ZKSCAN7: variants seen among roughly 807,000 people sequenced by gnomAD.
ZKSCAN7 encodes the protein zinc finger with KRAB and SCAN domains 7.
In ZKSCAN7, 38 loss-of-function variants were observed where a neutral mutation model predicts 65.3. That is an observed-to-expected ratio of 0.58 (90% confidence interval 0.45 to 0.76). The LOEUF (loss-of-function observed/expected upper bound fraction) is 0.76, where lower values mean the gene tolerates loss of function less well. Among genes scored for constraint, ZKSCAN7 ranks in the 30% least tolerant of loss-of-function variants. The pLI, the probability that ZKSCAN7 is intolerant of heterozygous loss-of-function variation, is 0.00. For synonymous variants in ZKSCAN7, 321 were observed against 321.0 expected, an observed-to-expected ratio of 1.00 and a Z score of 0.00; for missense variants, 815 against 913.3, an observed-to-expected ratio of 0.89 and a Z score of 1.39.
chr3:44,569,852 C>T (rs765910765), intron 5 of ZKSCAN7, 70 bp from the exon 6 acceptor site: 2 of 1,469,238 alleles, frequency 1.4e-6, no homozygotes, highest in Admixed American at 2.6e-5. Context: ...GGTATGTTAG[C>T]TCTTAATGAT....
intron 5 of ZKSCAN7, chr3:44,579,957 G>T (rs1700025790): frequency 3.3e-6 from 5 of 1,525,034 alleles, no homozygotes; most frequent in Non-Finnish European, 4.5e-6. Flanking sequence ...GGAAGCCGAG[G>T]CGTCTGGGAG....
chr3:44,580,032 C>T (rs1575387004), intron 5 of ZKSCAN7: 7 of 1,576,294 alleles, frequency 4.4e-6, no homozygotes, highest in South Asian at 3.3e-5. Context: ...TTTCTCGCTG[C>T]GGCCCTGGCG....
intron 3 of ZKSCAN7, 31 bp from the exon 4 acceptor site, chr3:44,567,881 G>T: frequency 1.5e-6 from 1 of 669,316 alleles, no homozygotes; most frequent in Non-Finnish European, 2.6e-6. Context: ...AGCAGGGCTT[G>T]TCCCACTCAT....
Position 44,580,385 on chromosome 3 carries a change from G to C in ZKSCAN7, c.812-2587G>C, listed in dbSNP as rs1700043495. Reference sequence around the variant, plus strand: ...TGGGACTCTGAGCTGGACTCAGACTGCTGCCATCTGGCTGGTCCTTGGTCC... The same window carrying C: ...TGGGACTCTGAGCTGGACTCAGACTCCTGCCATCTGGCTGGTCCTTGGTCC... On this transcript the variant is annotated intron_variant, in intron 5 of 5. Coordinates refer to the ZKSCAN7 transcript ENST00000341840. 5.6e-6 allele frequency: 9 copies of C among 1,604,726 alleles called. No homozygotes were observed. In the South Asian group the frequency reaches 8.9e-5, roughly 16 times the overall value.
At position 44,581,027 on chromosome 3, in the gene ZKSCAN7, G is replaced by C. The variant is rs1220603344; in HGVS notation, c.812-1945G>C. The C allele has an allele frequency of 4.8e-5, 75 of 1,570,630 alleles. No individual in the cohort carries two copies. The South Asian group carries it at 7.6e-4, about 16-fold the overall frequency. On this transcript the variant is annotated intron_variant, in intron 5 of 5. Transcript: ENST00000341840. Reference sequence around the variant, plus strand: ...ACGGGTTCTCCTTGGCTGCCGACATGGTCGGCGCGGCGGCGGCGGCGGCGC... The same window carrying C: ...ACGGGTTCTCCTTGGCTGCCGACATCGTCGGCGCGGCGGCGGCGGCGGCGC...
intron 5 of ZKSCAN7, chr3:44,580,246 C>A (rs1348645790): frequency 1.2e-6 from 2 of 1,612,480 alleles, no homozygotes; most frequent in African/African-American, 1.3e-5. Flanking sequence ...TAGCTGCTCT[C>A]CCCCCGGACT....
rs1349726770 is a variant in ZKSCAN7 at position 44,565,645 on chromosome 3, T to G, written c.582T>G (p.Ser194Arg). The change falls in exon 3 of 6, where the codon AGT (serine) becomes AGG (arginine). Residue 194 changes from serine (S) to arginine (R), a missense_variant. Ser to Arg is a moderately radical substitution (Grantham distance 110). Around this residue, in one of 3 missense-constraint regions of ZKSCAN7, gnomAD observed 227 missense variants for 253.3 expected, o/e 0.90. Transcript: ENST00000426540. ...ACCCAGGGACACACCACCTCCCCAGTGGGGACTTCGGTACTTATCTCCCCA... is the reference window on the plus strand; with the variant it reads ...ACCCAGGGACACACCACCTCCCCAGGGGGGACTTCGGTACTTATCTCCCCA... ...PYDPGTHHLP[S>R]GDFAQCTSPV... 1.3e-6 allele frequency: 2 copies of G among 1,599,502 alleles called. No individual in the cohort carries two copies. The highest frequency in any genetic ancestry group is 1.7e-6 in the Non-Finnish European group (2 of 1,173,918).
In ZKSCAN7 at chr3:44,571,361, T is replaced by A. The variant is rs1699805161; in HGVS notation, c.2251T>A (p.Trp751Arg). The A allele has an allele frequency of 6.2e-7, 1 of 1,613,966 alleles. No individual in the cohort carries two copies. The highest frequency in any genetic ancestry group is 8.5e-7 in the Non-Finnish European group (1 of 1,180,042). Residue 751 changes from tryptophan (W) to arginine (R), a missense_variant, in exon 6 of 6, where the codon TGG becomes AGG. Trp to Arg is a moderately radical substitution (Grantham distance 101). Coordinates refer to ENST00000426540, the MANE Select transcript of ZKSCAN7 (RefSeq NM_001288590.2). ...TGGAGAGAAGTCCTCAGGTCTGGCTTGGTCAGTTTCTTAAGGTATGGTTCT... is the reference window on the plus strand; with the variant it reads ...TGGAGAGAAGTCCTCAGGTCTGGCTAGGTCAGTTTCTTAAGGTATGGTTCT... ...HTGEKSSGLA[W>R]SVS
intron 5 of ZKSCAN7, among the ~76,000 whole-genome samples, chr3:44,581,304 C>T (rs1364061994): frequency 6.6e-6 from 1 of 150,488 alleles, no homozygotes; most frequent in East Asian, 1.9e-4. Context: ...TGCGGCCCGC[C>T]TCTCAAGCTC....
chr3:44,570,604 TGAGTGTG>T lies in ZKSCAN7; in HGVS notation c.1498_1504del (p.Cys500ArgfsTer117), dbSNP rs1699774423. 1 of 1,614,130 alleles carries T rather than the reference TGAGTGTG, an allele frequency of 6.2e-7. No individual in the cohort carries two copies. On this transcript the variant is annotated frameshift_variant, in exon 6 of 6. Coordinates refer to ENST00000426540, the MANE Select transcript of ZKSCAN7 (RefSeq NM_001288590.2). LOFTEE classifies it high-confidence loss of function. ...CTGGGGAGAAACCTTATGAATGCAA[TGAGTGTG>T]GAGAGGCATTCATTCGAAGCAAAAG...
At chr3:44,575,250 T>A (rs947297536), downstream of ZKSCAN7, among the ~76,000 whole-genome samples, 3 of 152,212 alleles carry the variant, frequency 2.0e-5, no homozygotes, top group African/African-American at 7.2e-5. Flanking sequence ...GAGCTATCAT[T>A]GCACCACTGC....
intron 2 of ZKSCAN7, among the ~76,000 whole-genome samples, chr3:44,561,761 T>C (rs962012542): frequency 1.3e-5 from 2 of 152,172 alleles, no homozygotes; most frequent in African/African-American, 4.8e-5. Context: ...AGCTCCAAAA[T>C]AATCTCCTTT....
At chr3:44,569,029 T>C (rs932688389) in intron 5 of ZKSCAN7, among the ~76,000 whole-genome samples, 1 of 152,256 alleles carries the variant, frequency 6.6e-6, no homozygotes, top group Non-Finnish European at 1.5e-5. Context: ...TCAGCTTCCA[T>C]TGCTACTCGT....
intron 5 of ZKSCAN7, among the ~76,000 whole-genome samples, chr3:44,579,478 C>T (rs796715053): frequency 3.3e-4 from 50 of 152,338 alleles, no homozygotes; most frequent in African/African-American, 1.2e-3. Flanking sequence ...CCGGCTCCCC[C>T]GGCTCTGCCT....
rs759658275 is a variant in ZKSCAN7, at chr3:44,579,954, G to A, written c.812-3018G>A. Reference sequence around the variant, plus strand: ...CTTCGGTGTGGAGACGGGGGAAGCCGAGGCGTCTGGGAGAGGAGCTTGGGG... The same window carrying A: ...CTTCGGTGTGGAGACGGGGGAAGCCAAGGCGTCTGGGAGAGGAGCTTGGGG... On this transcript the variant is annotated intron_variant, in intron 5 of 5. Transcript: ENST00000341840. 1.2e-5 allele frequency: 19 copies of A among 1,584,878 alleles called. No homozygotes were observed. In the East Asian group the frequency reaches 1.7e-4, roughly 14 times the overall value.
intron 5 of ZKSCAN7, among the ~76,000 whole-genome samples, chr3:44,579,767 G>C (rs1394445020): frequency 1.3e-5 from 2 of 152,218 alleles, no homozygotes; most frequent in Non-Finnish European, 2.9e-5. Context: ...TGCCTCCTCA[G>C]CCACTGAATC....
chr3:44,559,993 G>A (rs1173239048), intron 2 of ZKSCAN7, among the ~76,000 whole-genome samples: 1 of 152,202 alleles, frequency 6.6e-6, no homozygotes, highest in Non-Finnish European at 1.5e-5. Context: ...GAAGGAAAAT[G>A]TCCCTATTTC....
At position 44,556,994 on chromosome 3, in the gene ZKSCAN7, C is replaced by T; in HGVS notation, c.-54C>T. The T allele has an allele frequency of 6.2e-7, 1 of 1,609,654 alleles. No individual in the cohort carries two copies. Among genetic ancestry groups the T allele is most frequent in the Non-Finnish European group, 8.5e-7 (1 of 1,177,972 alleles). Reference sequence around the variant, plus strand: ...AGTTCCTGAGACCTGAACTATTGACCATCATTTTAATCGGACCAACTGCAG... The same window carrying T: ...AGTTCCTGAGACCTGAACTATTGACTATCATTTTAATCGGACCAACTGCAG... On this transcript the variant is annotated 5_prime_UTR_variant, in exon 2 of 6. Coordinates refer to ENST00000426540, the MANE Select transcript of ZKSCAN7 (RefSeq NM_001288590.2).
At chr3:44,562,020 G>T (rs572435623) in intron 2 of ZKSCAN7, among the ~76,000 whole-genome samples, 1 of 152,232 alleles carries the variant, frequency 6.6e-6, no homozygotes, top group Non-Finnish European at 1.5e-5. Context: ...CTGTGTGGGG[G>T]CTCCAACCTT....
Sources: gnomAD v4.1 joint callset for allele counts (sites outside exome capture counted in the v4.1 genomes callset) on GRCh38, gnomAD v4.1.1 for gene constraint, gnomAD v4.1.1 regional missense constraint, MANE v1.5 for transcripts, NCBI Gene and HGNC (gene_info 2026-07-23, HGNC 2026-07-21) for gene names.